The following OR13G1 variants were observed in gnomAD, a reference collection of about 807,000 sequenced individuals.
OR13G1 encodes olfactory receptor family 13 subfamily G member 1, also known as olfactory receptor 13G1.
For synonymous variants in OR13G1, 128 were observed against 136.2 expected (o/e 0.94, Z 0.42); for missense variants, 369 against 385.7 (o/e 0.96, Z 0.36).
In OR13G1 at chr1:247,672,278, G is replaced by A. The variant is rs769402730; in HGVS notation, c.764C>T (p.Thr255Ile). 6.2e-7 allele frequency: 1 copy of A among 1,614,108 alleles called. No individual in the cohort carries two copies. Among genetic ancestry groups the A allele is most frequent in the South Asian group, 1.1e-5 (1 of 91,080 alleles). ...VTLYYSPVIY[T>I]YIRPASSYTF... ...ATAGCTGGAAGCAGGGCGGATATAG[G>A]TGTAGATTACAGGAGAATAGTAAAG... The change falls in exon 2 of 2, where the codon ACC becomes ATC. Residue 255 changes from threonine (T) to isoleucine (I), a missense_variant. Transcript: ENST00000642119.
At chr1:247,679,260 A>G (rs1659413889) in intron 1 of OR13G1, among the ~76,000 whole-genome samples, 1 of 152,184 alleles carries the variant, frequency 6.6e-6, no homozygotes, top group African/African-American at 2.4e-5. Context: ...GAAAGGACAT[A>G]TTCTAAAACA....
At position 247,672,410 on chromosome 1, in the gene OR13G1, G is replaced by A. The variant is rs751349489; in HGVS notation, c.632C>T (p.Thr211Ile). The part of the protein sequence containing the change: ...ITLAIGDFIL[T>I]CISYGFIIVA... ...AATGATAAAACCATAGGAGATGCAG[G>A]TAAGAATAAAGTCCCCTATGGCCAG... Residue 211 changes from threonine (T) to isoleucine (I), a missense_variant, in exon 2 of 2, where the codon ACC (threonine) becomes ATC (isoleucine). Physicochemically the swap from Thr to Ile is moderately conservative, Grantham distance 89 (BLOSUM62 -1). Coordinates refer to ENST00000642119, the MANE Select transcript of OR13G1 (RefSeq NM_001005487.2). The A allele has an allele frequency of 2.5e-6, 4 of 1,613,972 alleles. No homozygotes were observed. Among genetic ancestry groups the A allele is most frequent in the Non-Finnish European group, 3.4e-6 (4 of 1,180,012 alleles).
At chr1:247,679,486 T>TGTG (rs1659421160) in intron 1 of OR13G1, among the ~76,000 whole-genome samples, 154 bp downstream of exon 1, 14 of 144,520 alleles carry the variant, frequency 9.7e-5, no homozygotes, top group Non-Finnish European at 3.0e-5. Flanking sequence ...CGCGGATGGA[T>TGTG]TGTGTGTGTG....
intron 1 of OR13G1, among the ~76,000 whole-genome samples, chr1:247,676,236 T>C (rs1348041381): frequency 5.9e-5 from 9 of 152,180 alleles, no homozygotes; most frequent in Non-Finnish European, 8.8e-5. Flanking sequence ...TGGGGACTTA[T>C]TGAGCTACCA....
In OR13G1 at chr1:247,672,014, G is replaced by A. The variant is rs1304597002; in HGVS notation, c.*104C>T. 5 of 908,350 alleles carry A rather than the reference G, an allele frequency of 5.5e-6. No individual in the cohort carries two copies. The highest frequency in any genetic ancestry group is 5.0e-5 in the African/African-American group (3 of 60,004). The allele number at this position is 908,350 out of a possible 1,614,324, so 56.3% of individuals were successfully genotyped here. ...GCTAGGAAGAAGGCAGGAATAAGAG[G>A]GAAGGGAAAATTGGAGTGGAGGTAA... On this transcript the variant is annotated 3_prime_UTR_variant, in exon 2 of 2. Coordinates refer to ENST00000642119, the MANE Select transcript of OR13G1 (RefSeq NM_001005487.2).
Position 247,672,272 on chromosome 1 carries a change from A to C in OR13G1, c.770T>G (p.Ile257Ser), listed in dbSNP as rs1345427588. 3 of 1,614,122 alleles carry C rather than the reference A, an allele frequency of 1.9e-6. No individual in the cohort carries two copies. The South Asian group carries it at 3.3e-5, about 18-fold the overall frequency. Reference sequence around the variant, plus strand: ...AAATGTATAGCTGGAAGCAGGGCGGATATAGGTGTAGATTACAGGAGAATA... The same window carrying C: ...AAATGTATAGCTGGAAGCAGGGCGGCTATAGGTGTAGATTACAGGAGAATA... Reference protein sequence around the residue: ...LYYSPVIYTYIRPASSYTFER... With the variant: ...LYYSPVIYTYSRPASSYTFER... The change falls in exon 2 of 2, where the codon ATC becomes AGC. Residue 257 changes from isoleucine (I) to serine (S), a missense_variant. Transcript: ENST00000642119.
rs149559380 is a variant in OR13G1, at chr1:247,673,170, A to G, written c.-129T>C. The G allele has an allele frequency of 1.1e-3, 778 of 686,006 alleles. 6 individuals carry two copies. In the East Asian group the frequency reaches 0.02, roughly 17 times the overall value. 42.5% of individuals were successfully genotyped at this position (686,006 alleles called of 1,614,324 possible). A position where few individuals can be genotyped will look rare whatever the true frequency, so the allele number is the denominator to read the frequency against. ...GGGACTTAATTCTTGATTGGACACAACTTTGCAGCAGGAATTCCCATTTGA... is the reference window on the plus strand; with the variant it reads ...GGGACTTAATTCTTGATTGGACACAGCTTTGCAGCAGGAATTCCCATTTGA... On this transcript the variant is annotated 5_prime_UTR_variant, in exon 2 of 2. Coordinates refer to ENST00000642119, the MANE Select transcript of OR13G1 (RefSeq NM_001005487.2).
chr1:247,679,516 G>T (rs930336866), intron 1 of OR13G1, 124 bp downstream of exon 1: 2 of 151,778 alleles, frequency 1.3e-5, no homozygotes, highest in African/African-American at 4.9e-5. Flanking sequence ...GTGTGTGTGT[G>T]TGTGTGTGTG....
In OR13G1 at chr1:247,673,127, G is replaced by A. The variant is rs184693813; in HGVS notation, c.-86C>T. On this transcript the variant is annotated 5_prime_UTR_variant, in exon 2 of 2. Coordinates refer to ENST00000642119, the MANE Select transcript of OR13G1 (RefSeq NM_001005487.2). ...TCCCTGTGTTGTTAGGAGATAACAT[G>A]AGGAGTGTGTGTACTTAGGGACTTA... is the stretch of plus-strand genomic sequence containing the variant. 2.4e-4 allele frequency: 246 copies of A among 1,035,608 alleles called. No individual in the cohort carries two copies. In the African/African-American group the frequency reaches 3.4e-3, roughly 14 times the overall value. 64.2% of individuals were successfully genotyped at this position (1,035,608 alleles called of 1,614,324 possible). A position where few individuals can be genotyped will look rare whatever the true frequency, so the allele number is the denominator to read the frequency against.
At chr1:247,673,566 T>G (rs1422270947) in intron 1 of OR13G1, among the ~76,000 whole-genome samples, 1 of 152,140 alleles carries the variant, frequency 6.6e-6, no homozygotes, top group Non-Finnish European at 1.5e-5. Context: ...AGTGAGGATA[T>G]TTCAGATGAA....
intron 1 of OR13G1, among the ~76,000 whole-genome samples, chr1:247,674,420 A>G (rs1659300683): frequency 6.6e-6 from 1 of 152,222 alleles, no homozygotes; most frequent in East Asian, 1.9e-4. Context: ...CCACAAATCT[A>G]GTCTGTTTTG....
At position 247,672,126 on chromosome 1, in the gene OR13G1, T is replaced by G. The variant is rs1311485068; in HGVS notation, c.916A>C (p.Lys306Gln). The G allele has an allele frequency of 1.2e-6, 2 of 1,611,930 alleles. No individual in the cohort carries two copies. The highest frequency in any genetic ancestry group is 1.7e-6 in the Non-Finnish European group (2 of 1,178,890). ...AGIRKVFAFL[K>Q]H ...GTTGCATGTTGAAACTACTAGTGTT[T>G]CAGAAATGCAAACACCTTCCTAATT... Residue 306 changes from lysine (K) to glutamine (Q), a missense_variant, in exon 2 of 2, where the codon AAA becomes CAA. By Grantham distance (53) the Lys-to-Gln change is moderately conservative (BLOSUM62 1). Coordinates refer to ENST00000642119, the MANE Select transcript of OR13G1 (RefSeq NM_001005487.2).
Position 247,672,069 on chromosome 1 carries a change from T to C in OR13G1, c.*49A>G, listed in dbSNP as rs1659216645. The C allele has an allele frequency of 4.8e-6, 7 of 1,454,312 alleles. No individual in the cohort carries two copies. The highest frequency in any genetic ancestry group is 1.4e-5 in the African/African-American group (1 of 71,258). The allele number at this position is 1,454,312 out of a possible 1,614,324, so 90.1% of individuals were successfully genotyped here. A position where few individuals can be genotyped will look rare whatever the true frequency, so the allele number is the denominator to read the frequency against. On this transcript the variant is annotated 3_prime_UTR_variant, in exon 2 of 2. Transcript: ENST00000642119. ...GAAAAACCAGTAAAATCTGAGATGCTCTAGAAGATGGTTCTGGAGTACAGA... is the reference window on the plus strand; with the variant it reads ...GAAAAACCAGTAAAATCTGAGATGCCCTAGAAGATGGTTCTGGAGTACAGA...
Position 247,671,658 on chromosome 1 carries a change from T to C in OR13G1, c.*460A>G, listed in dbSNP as rs1217078269. The C allele has an allele frequency of 1.8e-5, 3 of 163,206 alleles. No homozygotes were observed. Among genetic ancestry groups the C allele is most frequent in the Admixed American group, 5.7e-5 (1 of 17,644 alleles). 10.1% of individuals were successfully genotyped at this position (163,206 alleles called of 1,614,324 possible). The stretch of plus-strand genomic sequence containing the variant: ...GTTCAACCCCAGAGTAGATACCTCA[T>C]TATCACAATGCTGTAAGTGAATGAA... On this transcript the variant is annotated 3_prime_UTR_variant, in exon 2 of 2. Coordinates refer to ENST00000642119, the MANE Select transcript of OR13G1 (RefSeq NM_001005487.2).
intron 1 of OR13G1, among the ~76,000 whole-genome samples, chr1:247,678,565 G>T (rs1470212706): frequency 6.6e-6 from 1 of 152,158 alleles, no homozygotes; most frequent in East Asian, 1.9e-4. Flanking sequence ...TACGTCAGAG[G>T]TGATTCTAGT....
chr1:247,676,624 T>A (rs1275514060), intron 1 of OR13G1, among the ~76,000 whole-genome samples: 2 of 152,180 alleles, frequency 1.3e-5, no homozygotes, highest in Non-Finnish European at 2.9e-5. Flanking sequence ...AAACTAATAT[T>A]CTTTGGGACC....
At chr1:247,676,724 CAA>C (rs1659351834) in intron 1 of OR13G1, among the ~76,000 whole-genome samples, 1 of 151,996 alleles carries the variant, frequency 6.6e-6, no homozygotes, top group African/African-American at 2.4e-5. Flanking sequence ...AAATACTAAC[CAA>C]AAACATGAGT....
At chr1:247,678,773 A>T (rs1659402736) in intron 1 of OR13G1, among the ~76,000 whole-genome samples, 1 of 152,154 alleles carries the variant, frequency 6.6e-6, no homozygotes, top group African/African-American at 2.4e-5. Flanking sequence ...AGGAGAGTCA[A>T]TACCTGCATA....
At position 247,671,373 on chromosome 1, in the gene OR13G1, A is replaced by G. The variant is rs76641034; in HGVS notation, c.*745T>C. ...AAAAGCCATTCATGATCCTAGGGAA[A>G]ACAATATTGAAGGGCAGAACAAGAT... On this transcript the variant is annotated 3_prime_UTR_variant, in exon 2 of 2. Coordinates refer to ENST00000642119, the MANE Select transcript of OR13G1 (RefSeq NM_001005487.2). 0.11 allele frequency: 16,706 copies of G among 152,000 alleles called. 1,214 individuals carry two copies. Among genetic ancestry groups the G allele is most frequent in the Non-Finnish European group, 0.15 (10,492 of 67,984 alleles). 9.4% of individuals were successfully genotyped at this position (152,000 alleles called of 1,614,324 possible). A position where few individuals can be genotyped will look rare whatever the true frequency, so the allele number is the denominator to read the frequency against.
Sources: allele counts gnomAD v4.1 joint callset (sites outside exome capture counted in the v4.1 genomes callset), GRCh38; gene constraint gnomAD v4.1.1; transcripts MANE v1.5; gene names NCBI Gene and HGNC (gene_info 2026-07-23, HGNC 2026-07-21).